Variants in CDH18 observed in about 807,000 individuals in gnomAD.
CDH18 encodes the protein cadherin-18.
CDH18 carries 31 observed loss-of-function variants against 67.9 expected under a neutral mutation model. The observed-to-expected ratio is 0.46, with a 90% CI of 0.34 to 0.62. CDH18 has a LOEUF of 0.62. Ranked by LOEUF, CDH18 falls within the 20% of genes least tolerant of loss-of-function variation. The probability of loss-of-function intolerance (pLI) is 0.01; values close to 1 mark genes in which losing one functional copy is unlikely to be tolerated. For synonymous variants in CDH18, 362 were observed against 347.2 expected (o/e 1.04, Z -0.48); for missense variants, 890 against 975.5 (o/e 0.91, Z 1.17).
intron 1 of CDH18, among the ~76,000 whole-genome samples, chr5:20,296,011 C>T (rs1357223618): frequency 6.7e-6 from 1 of 148,844 alleles, no homozygotes; most frequent in East Asian, 2.1e-4. Context: ...AACTGGGATT[C>T]CAGGCACATG....
upstream of CDH18, among the ~76,000 whole-genome samples, chr5:19,993,120 T>C (rs562414020): frequency 1.1e-4 from 16 of 152,236 alleles, no homozygotes; most frequent in South Asian, 2.7e-3. Flanking sequence ...GAACTACAAA[T>C]TTCATAAAGG....
rs556675443 is a variant in CDH18 at position 20,571,613 on chromosome 5, G to T, written c.-580+3849C>A. 1.4e-4 allele frequency among the ~76,000 whole-genome samples: 21 copies of T among 152,104 alleles called. No individual in the cohort carries two copies. In the South Asian group the frequency reaches 4.4e-3, roughly 32 times the overall value. On this transcript the variant is annotated intron_variant, in intron 1 of 14. Transcript: ENST00000507958. Reference sequence around the variant, plus strand: ...GCATTCAAAATTCACAATTATCAAGGTATGTAAATTTTCAAACAGAGAAAA... The same window carrying T: ...GCATTCAAAATTCACAATTATCAAGTTATGTAAATTTTCAAACAGAGAAAA...
At chr5:19,636,854 C>T (rs1753224769) in intron 5 of CDH18, among the ~76,000 whole-genome samples, 1 of 151,966 alleles carries the variant, frequency 6.6e-6, no homozygotes, top group Admixed American at 6.6e-5. Context: ...TTCTTTGTCA[C>T]ATCTCTAATC....
At chr5:20,305,646 G>C (rs1278460575) in intron 1 of CDH18, 5 of 443,298 alleles carry the variant, frequency 1.1e-5, no homozygotes, top group Non-Finnish European at 2.1e-5. Flanking sequence ...CATGTCCGGG[G>C]GGTGGGGGGA....
intron 5 of CDH18, among the ~76,000 whole-genome samples, chr5:19,625,456 T>C (rs1461849690): frequency 1.3e-5 from 2 of 151,802 alleles, no homozygotes; most frequent in East Asian, 1.9e-4. Flanking sequence ...AACTGAGTGA[T>C]TACAAAAAAA....
intron 1 of CDH18, among the ~76,000 whole-genome samples, chr5:20,325,615 G>T (rs1351582032): frequency 6.6e-6 from 1 of 151,314 alleles, no homozygotes; most frequent in African/African-American, 2.4e-5. Flanking sequence ...CAGTCCATTA[G>T]ATCACTACTT....
intron 3 of CDH18, among the ~76,000 whole-genome samples, chr5:19,752,256 G>C (rs1257497024): frequency 1.3e-5 from 2 of 152,082 alleles, no homozygotes; most frequent in African/African-American, 4.8e-5. Context: ...ACTTTCTTTT[G>C]CAACTGGGAA....
chr5:20,507,472 G>T (rs935265157), intron 1 of CDH18, among the ~76,000 whole-genome samples: 1 of 152,108 alleles, frequency 6.6e-6, no homozygotes, highest in African/African-American at 2.4e-5. Flanking sequence ...TAAAATATTT[G>T]GATAGAGATG....
chr5:20,482,905 A>G (rs1415752775), intron 1 of CDH18, among the ~76,000 whole-genome samples: 1 of 152,080 alleles, frequency 6.6e-6, no homozygotes, highest in Non-Finnish European at 1.5e-5. Flanking sequence ...ATTCCACTGT[A>G]GTAACAGTGC....
At chr5:19,915,022 G>T (rs1158488127) in intron 2 of CDH18, among the ~76,000 whole-genome samples, 1 of 152,014 alleles carries the variant, frequency 6.6e-6, no homozygotes, top group African/African-American at 2.4e-5. Flanking sequence ...AGTTCCATAA[G>T]GAAAGAATTA....
chr5:19,788,094 G>T (rs554891942), intron 3 of CDH18, among the ~76,000 whole-genome samples: 50 of 152,030 alleles, frequency 3.3e-4, no homozygotes, highest in Middle Eastern at 3.4e-3. Flanking sequence ...GCATGTGTTT[G>T]CCATTTTGCT....
At chr5:19,867,289 T>C (rs1785659493) in intron 2 of CDH18, among the ~76,000 whole-genome samples, 1 of 152,164 alleles carries the variant, frequency 6.6e-6, no homozygotes. Flanking sequence ...AGGAACTAAA[T>C]CTTACCTTCA....
chr5:20,573,061 CT>C (rs1258420305), intron 1 of CDH18, among the ~76,000 whole-genome samples: 1 of 151,916 alleles, frequency 6.6e-6, no homozygotes, highest in Non-Finnish European at 1.5e-5. Flanking sequence ...AAAACACTTT[CT>C]TTTTTTCTAA....
intron 6 of CDH18, among the ~76,000 whole-genome samples, chr5:19,598,060 A>G (rs1275462607): frequency 6.6e-6 from 1 of 152,152 alleles, no homozygotes; most frequent in African/African-American, 2.4e-5. Flanking sequence ...ATATCTCCTT[A>G]TTCACATGCA....
At chr5:20,522,578 T>A (rs1193517509) in intron 1 of CDH18, among the ~76,000 whole-genome samples, 1 of 152,140 alleles carries the variant, frequency 6.6e-6, no homozygotes, top group Non-Finnish European at 1.5e-5. Flanking sequence ...GAATTTCTTT[T>A]CAGTTGAATG....
intron 4 of CDH18, among the ~76,000 whole-genome samples, chr5:19,733,421 C>A (rs1767879546): frequency 6.6e-6 from 1 of 152,176 alleles, no homozygotes; most frequent in Admixed American, 6.5e-5. Context: ...CTCAGCCACA[C>A]AGAGAGATGA....
intron 5 of CDH18, among the ~76,000 whole-genome samples, chr5:19,704,786 A>G (rs1265534562): frequency 1.3e-5 from 2 of 152,156 alleles, no homozygotes; most frequent in African/African-American, 4.8e-5. Flanking sequence ...GGAATTCTCT[A>G]GTCTTTGTTA....
At chr5:20,389,332 T>C (rs1744611896) in intron 1 of CDH18, among the ~76,000 whole-genome samples, 1 of 152,184 alleles carries the variant, frequency 6.6e-6, no homozygotes, top group Non-Finnish European at 1.5e-5. Flanking sequence ...CTTTTGATCT[T>C]TGTTGGCTTA....
chr5:20,410,783 CTT>C (rs1746705305), intron 1 of CDH18, among the ~76,000 whole-genome samples: 1 of 151,696 alleles, frequency 6.6e-6, no homozygotes, highest in Non-Finnish European at 1.5e-5. Context: ...TAAAAAAGCT[CTT>C]TTCTTTTTTG....
Sources: allele counts gnomAD v4.1 joint callset (sites outside exome capture counted in the v4.1 genomes callset), GRCh38; gene constraint gnomAD v4.1.1; transcripts MANE v1.5; gene names NCBI Gene and HGNC (gene_info 2026-07-23, HGNC 2026-07-21).